The following FAM117A variants were observed in gnomAD, a reference collection of about 807,000 sequenced individuals.
The protein encoded by FAM117A is protein FAM117A.
In FAM117A, 21 loss-of-function variants were observed where a neutral mutation model predicts 44.1. The observed-to-expected ratio is 0.48, with a 90% CI of 0.34 to 0.69. The LOEUF (loss-of-function observed/expected upper bound fraction) is 0.69, where lower values mean the gene tolerates loss of function less well. FAM117A is among the 30% of genes least tolerant of loss of function. FAM117A has a pLI of 0.01. For synonymous variants in FAM117A, 220 were observed against 238.3 expected, an observed-to-expected ratio of 0.92 and a Z score of 0.71; for missense variants, 498 against 589.9, an observed-to-expected ratio of 0.84 and a Z score of 1.61.
At chr17:49,763,078 TAGAA>T (rs776166400) in intron 1 of FAM117A, among the ~76,000 whole-genome samples, 1 of 143,682 alleles carries the variant, frequency 7.0e-6, no homozygotes, top group Non-Finnish European at 1.5e-5. Flanking sequence ...GTGGAGGGAG[TAGAA>T]AGAAAGGTAG....
At chr17:49,736,589 G>C (rs1188410217) in intron 1 of FAM117A, among the ~76,000 whole-genome samples, 1 of 152,162 alleles carries the variant, frequency 6.6e-6, no homozygotes, top group Non-Finnish European at 1.5e-5. Flanking sequence ...TCATGTTCTG[G>C]TCCCACTTAC....
chr17:49,741,595 G>C (rs2073634824), intron 1 of FAM117A, among the ~76,000 whole-genome samples: 1 of 152,158 alleles, frequency 6.6e-6, no homozygotes. Context: ...AGACACAGGA[G>C]GAACAGATCC....
At chr17:49,758,671 AAATAAAT>A (rs2073710305) in intron 1 of FAM117A, among the ~76,000 whole-genome samples, 1 of 149,612 alleles carries the variant, frequency 6.7e-6, no homozygotes, top group African/African-American at 2.4e-5. Flanking sequence ...ATAAATAAAT[AAATAAAT>A]AAAATAAAAG....
At chr17:49,783,313 T>C (rs2073795263) in intron 1 of FAM117A, among the ~76,000 whole-genome samples, 1 of 151,980 alleles carries the variant, frequency 6.6e-6, no homozygotes, top group Non-Finnish European at 1.5e-5. Context: ...CCTAGGGAGC[T>C]TGGATCAGGG....
chr17:49,715,723 C>A (rs555122155), intron 7 of FAM117A, among the ~76,000 whole-genome samples: 2 of 152,226 alleles, frequency 1.3e-5, no homozygotes, highest in African/African-American at 4.8e-5. Context: ...GCTGTTTAGG[C>A]CCCCCATTCT....
chr17:49,788,899 A>G (rs1476391524), upstream of FAM117A: 4 of 1,517,418 alleles, frequency 2.6e-6, no homozygotes, highest in East Asian at 5.1e-5. Flanking sequence ...CAGTCGATTG[A>G]GCACCGTGAC....
intron 7 of FAM117A, among the ~76,000 whole-genome samples, chr17:49,714,494 C>A (rs2073493020): frequency 6.6e-6 from 1 of 151,972 alleles, no homozygotes; most frequent in Admixed American, 6.6e-5. Flanking sequence ...TGCACTAACA[C>A]ACCCGGCTAC....
intron 1 of FAM117A, among the ~76,000 whole-genome samples, chr17:49,756,680 C>T (rs1202875210): frequency 6.6e-6 from 1 of 151,560 alleles, no homozygotes; most frequent in Non-Finnish European, 1.5e-5. Flanking sequence ...CTTTGGGAGG[C>T]CAAGGCAGGG....
Position 49,716,313 on chromosome 17 carries a change from A to T in FAM117A, c.913T>A (p.Ser305Thr). The change falls in exon 7 of 8, where the codon TCC becomes ACC. Residue 305 changes from serine (S) to threonine (T), a missense_variant and splice_region_variant. Ser to Thr is a moderately conservative substitution (Grantham distance 58, BLOSUM62 1). Around this residue, in one of 3 missense-constraint regions of FAM117A, gnomAD observed 224 missense variants for 296.5 expected, o/e 0.76. Transcript: ENST00000240364. ...AGAAAGGCTGGGTGTCCTGGAGAGG[A>T]GGCTGTGAACAGAGCAAGGCTAAGT... ...ELASTPNDKASSPGHPAFLED... is the reference protein window; with the variant it reads ...ELASTPNDKATSPGHPAFLED... The T allele has an allele frequency of 6.3e-7, 1 of 1,586,896 alleles. No homozygotes were observed. Among genetic ancestry groups the T allele is most frequent in the Non-Finnish European group, 8.6e-7 (1 of 1,166,542 alleles).
chr17:49,730,748 G>C (rs1397002780), intron 2 of FAM117A, among the ~76,000 whole-genome samples: 1 of 152,192 alleles, frequency 6.6e-6, no homozygotes, highest in Non-Finnish European at 1.5e-5. Flanking sequence ...AGGATAAAGG[G>C]AATGGCAGTG....
At chr17:49,777,258 A>G (rs1443657363) in intron 1 of FAM117A, among the ~76,000 whole-genome samples, 2 of 152,100 alleles carry the variant, frequency 1.3e-5, no homozygotes, top group Non-Finnish European at 2.9e-5. Flanking sequence ...AGTGATTAAT[A>G]GGCTGCTGGA....
chr17:49,723,503 C>A (rs2073545030), intron 2 of FAM117A, among the ~76,000 whole-genome samples: 1 of 152,172 alleles, frequency 6.6e-6, no homozygotes, highest in African/African-American at 2.4e-5. Flanking sequence ...ACTTCCATTC[C>A]AAGGGAGGGG....
chr17:49,727,079 G>A (rs1446469578), intron 2 of FAM117A, among the ~76,000 whole-genome samples: 17 of 151,930 alleles, frequency 1.1e-4, no homozygotes, highest in Admixed American at 1.1e-3. Flanking sequence ...TTGGAAGCAG[G>A]GTAGAGCTGG....
intron 4 of FAM117A, chr17:49,720,105 T>C (rs2073526366): frequency 8.6e-6 from 6 of 701,242 alleles, no homozygotes; most frequent in South Asian, 3.9e-5. Context: ...TGTAGAGTCA[T>C]TGCCTCAATT....
In FAM117A at chr17:49,742,318, A is replaced by G. The variant is rs147214988; in HGVS notation, c.197-9598T>C. 5.9e-5 allele frequency among the ~76,000 whole-genome samples: 9 copies of G among 152,208 alleles called. No individual in the cohort carries two copies. In the East Asian group the frequency reaches 1.7e-3, roughly 29 times the overall value. On this transcript the variant is annotated intron_variant, in intron 1 of 7. Coordinates refer to ENST00000240364, the MANE Select transcript of FAM117A (RefSeq NM_030802.4). ...CAGCTGGAGAGACAGGCCAAGAGAAACCCTTCTGGAGATGTCATTGTGGGA... is the reference window on the plus strand; with the variant it reads ...CAGCTGGAGAGACAGGCCAAGAGAAGCCCTTCTGGAGATGTCATTGTGGGA...
chr17:49,786,390 C>T (rs943501205), intron 1 of FAM117A, among the ~76,000 whole-genome samples: 2 of 152,180 alleles, frequency 1.3e-5, no homozygotes, highest in African/African-American at 4.8e-5. Flanking sequence ...CATCTCTGAG[C>T]GCTATACATT....
chr17:49,763,615 T>A (rs1314571690), intron 1 of FAM117A, among the ~76,000 whole-genome samples: 1 of 146,382 alleles, frequency 6.8e-6, no homozygotes, highest in Non-Finnish European at 1.5e-5. Flanking sequence ...CTCTGCCCAC[T>A]TTTCGGTTAC....
intron 1 of FAM117A, among the ~76,000 whole-genome samples, chr17:49,753,505 A>G (rs1356584964): frequency 6.6e-6 from 1 of 152,220 alleles, no homozygotes; most frequent in Admixed American, 6.5e-5. Flanking sequence ...AGAGCTAAAC[A>G]AATGGAACAT....
At chr17:49,740,523 A>G (rs1598027708) in intron 1 of FAM117A, among the ~76,000 whole-genome samples, 1 of 152,190 alleles carries the variant, frequency 6.6e-6, no homozygotes, top group African/African-American at 2.4e-5. Context: ...TGCTGGGATT[A>G]CAGGCGTGAG....
Sources: gnomAD v4.1 joint callset for allele counts (sites outside exome capture counted in the v4.1 genomes callset) on GRCh38, gnomAD v4.1.1 for gene constraint, gnomAD v4.1.1 regional missense constraint, MANE v1.5 for transcripts, NCBI Gene and HGNC (gene_info 2026-07-23, HGNC 2026-07-21) for gene names.